SNX14: variants seen among roughly 807,000 people sequenced by gnomAD.
SNX14 encodes sorting nexin-14.
A neutral mutation model predicts 133.8 loss-of-function variants in SNX14; 93 were observed. The observed-to-expected ratio is 0.70, with a 90% CI of 0.59 to 0.83. The LOEUF is 0.83. Among genes scored for constraint, SNX14 ranks in the 40% least tolerant of loss-of-function variants. SNX14 has a pLI of 0.00. For missense variants in SNX14, 945 were observed against 1,094.9 expected, an observed-to-expected ratio of 0.86 and a Z score of 1.93; for synonymous variants, 368 against 365.6, an observed-to-expected ratio of 1.01 and a Z score of -0.07.
chr6:85,585,692 A>G (rs890615822), intron 1 of SNX14, among the ~76,000 whole-genome samples: 19 of 152,210 alleles, frequency 1.2e-4, no homozygotes, highest in African/African-American at 4.6e-4. Context: ...TATCTATCAG[A>G]ATAACTAAAT....
chr6:85,530,588 C>T (rs566176103), intron 18 of SNX14, among the ~76,000 whole-genome samples: 5 of 149,080 alleles, frequency 3.4e-5, no homozygotes, highest in African/African-American at 7.4e-5. Flanking sequence ...GAGGTTGCAG[C>T]GAGCCGAGAT....
chr6:85,545,216 T>C (rs1785080499), intron 12 of SNX14, among the ~76,000 whole-genome samples: 1 of 151,408 alleles, frequency 6.6e-6, no homozygotes, highest in Non-Finnish European at 1.5e-5. Context: ...AAAAATAACC[T>C]CAAGAAAGGC....
At chr6:85,565,525 T>C in intron 5 of SNX14, 106 bp from the exon 6 acceptor site, 1 of 695,690 alleles carries the variant, frequency 1.4e-6, no homozygotes, top group Non-Finnish European at 2.4e-6. Flanking sequence ...TAAGCTACTT[T>C]CTTTTTTCAT....
intron 1 of SNX14, among the ~76,000 whole-genome samples, chr6:85,588,453 T>G (rs888869306): frequency 4.2e-4 from 63 of 151,574 alleles, no homozygotes; most frequent in African/African-American, 1.5e-3. Flanking sequence ...GGCGGGCGCC[T>G]GTAGTCCCAG....
Position 85,593,857 on chromosome 6 carries a change from A to G in SNX14, c.-139T>C. The G allele has an allele frequency of 6.8e-7, 1 of 1,465,150 alleles. No individual in the cohort carries two copies. The highest frequency in any genetic ancestry group is 9.0e-7 in the Non-Finnish European group (1 of 1,113,150). 90.8% of individuals were successfully genotyped at this position (1,465,150 alleles called of 1,614,324 possible). ...ACCGGCAGTTAGCCGCCGCAGGCTG[A>G]GGTCGCGTCCGGCTGGGCCCAGCCC... On this transcript the variant is annotated 5_prime_UTR_variant, in exon 1 of 29. Coordinates refer to ENST00000314673, the MANE Select transcript of SNX14 (RefSeq NM_153816.6).
rs749685290 is a variant in SNX14, at chr6:85,548,320, AAAG to A, written c.845_847del (p.Ser282del). On this transcript the variant is annotated inframe_deletion, in exon 9 of 29. Transcript: ENST00000314673. ...TCTTACTGGATCAGCTAGGAAATCC[AAAG>A]AAGGAAGGAACACAGAGCCAGACAG... 2 of 1,607,910 alleles carry A rather than the reference AAAG, an allele frequency of 1.2e-6. No homozygotes were observed. The highest frequency in any genetic ancestry group is 1.7e-6 in the Non-Finnish European group (2 of 1,178,086).
chr6:85,576,198 G>GT (rs986443904), intron 1 of SNX14, among the ~76,000 whole-genome samples: 9 of 151,968 alleles, frequency 5.9e-5, no homozygotes, highest in African/African-American at 2.2e-4. Context: ...GGGACTGCCC[G>GT]TATTATCTTA....
intron 1 of SNX14, among the ~76,000 whole-genome samples, chr6:85,580,848 G>A (rs1798836675): frequency 6.6e-6 from 1 of 152,080 alleles, no homozygotes; most frequent in Non-Finnish European, 1.5e-5. Context: ...AAAACACCAG[G>A]TAGATTTCTA....
intron 6 of SNX14, among the ~76,000 whole-genome samples, chr6:85,562,852 C>G (rs780740858): frequency 3.8e-4 from 58 of 151,940 alleles, no homozygotes; most frequent in Admixed American, 2.2e-3. Flanking sequence ...TCAGCCACCT[C>G]AGATTACAGG....
At chr6:85,506,153 C>T (rs1196530614) in intron 28 of SNX14, 148 bp from the exon 29 acceptor site, 1 of 619,520 alleles carries the variant, frequency 1.6e-6, no homozygotes, top group African/African-American at 1.9e-5. Context: ...TGAGAAATAT[C>T]TATGTTCTAG....
At chr6:85,586,734 T>G (rs1800983133) in intron 1 of SNX14, among the ~76,000 whole-genome samples, 1 of 151,746 alleles carries the variant, frequency 6.6e-6, no homozygotes, top group Admixed American at 6.5e-5. Context: ...GCTCGCTACT[T>G]TTTTTTCTTT....
intron 1 of SNX14, among the ~76,000 whole-genome samples, chr6:85,584,060 A>T (rs1006768599): frequency 6.6e-6 from 1 of 152,210 alleles, no homozygotes; most frequent in Non-Finnish European, 1.5e-5. Context: ...TATATAGACC[A>T]ATGGAACAGA....
intron 1 of SNX14, among the ~76,000 whole-genome samples, chr6:85,593,256 T>C (rs1006363856): frequency 1.3e-5 from 2 of 152,182 alleles, no homozygotes; most frequent in African/African-American, 2.4e-5. Context: ...ACTGCCTGTG[T>C]ACAGTCTCAA....
chr6:85,548,375 A>G lies in SNX14; in HGVS notation c.793T>C (p.Ser265Pro), dbSNP rs1786484100. Residue 265 changes from serine (S) to proline (P), a missense_variant and splice_region_variant, in exon 9 of 29, where the codon TCT becomes CCT. Coordinates refer to ENST00000314673, the MANE Select transcript of SNX14 (RefSeq NM_153816.6). Reference sequence around the variant, plus strand: ...ATCTCTCTTATAAGTAAGGTCAGAGATCTGGAAAAAGAAATAATAATAATT... The same window carrying G: ...ATCTCTCTTATAAGTAAGGTCAGAGGTCTGGAAAAAGAAATAATAATAATT... The part of the protein sequence containing the change: ...ILPPKATDCR[S>P]LTLLIREILS... 1 of 1,583,428 alleles carries G rather than the reference A, an allele frequency of 6.3e-7. No individual in the cohort carries two copies. Among genetic ancestry groups the G allele is most frequent in the Non-Finnish European group, 8.6e-7 (1 of 1,166,456 alleles).
chr6:85,523,626 T>A (rs1035426152), intron 21 of SNX14, among the ~76,000 whole-genome samples: 7 of 151,878 alleles, frequency 4.6e-5, no homozygotes, highest in Admixed American at 3.3e-4. Flanking sequence ...ACAAAAATTA[T>A]CTGGGTGTGG....
At chr6:85,550,056 G>A (rs192390245) in intron 7 of SNX14, among the ~76,000 whole-genome samples, 177 bp from the exon 8 acceptor site, 1 of 152,264 alleles carries the variant, frequency 6.6e-6, no homozygotes, top group African/African-American at 2.4e-5. Flanking sequence ...AGACCAGCCT[G>A]GCCAACATGG....
intron 1 of SNX14, among the ~76,000 whole-genome samples, chr6:85,591,883 C>A (rs1176369202): frequency 2.6e-5 from 4 of 151,904 alleles, no homozygotes; most frequent in African/African-American, 9.7e-5. Context: ...CATGGTGGTG[C>A]CCACCTGTAG....
chr6:85,574,053 T>C (rs1048344843), intron 2 of SNX14, among the ~76,000 whole-genome samples: 4 of 114,564 alleles, frequency 3.5e-5, no homozygotes, highest in South Asian at 3.0e-4. Flanking sequence ...ATTGGATGGA[T>C]TTTTTTATAA....
At chr6:85,545,854 T>C (rs919484156) in intron 12 of SNX14, among the ~76,000 whole-genome samples, 4 of 152,190 alleles carry the variant, frequency 2.6e-5, no homozygotes, top group Non-Finnish European at 1.5e-5. Context: ...CAGCTAATTT[T>C]TGTATTTTTG....
Sources: allele counts gnomAD v4.1 joint callset (sites outside exome capture counted in the v4.1 genomes callset), GRCh38; gene constraint gnomAD v4.1.1; transcripts MANE v1.5; gene names NCBI Gene and HGNC (gene_info 2026-07-23, HGNC 2026-07-21).